Variants in KCNK2 observed in about 807,000 individuals in gnomAD.
KCNK2 encodes the protein potassium channel subfamily K member 2.
A neutral mutation model predicts 40.5 loss-of-function variants in KCNK2; 21 were observed. That is an observed-to-expected ratio of 0.52 (90% CI 0.37 to 0.75). KCNK2 has a LOEUF of 0.75. Among genes scored for constraint, KCNK2 ranks in the 30% least tolerant of loss-of-function variants. The pLI, the probability that KCNK2 is intolerant of heterozygous loss-of-function variation, is 0.00. For missense variants in KCNK2, 399 were observed against 531.6 expected (o/e 0.75, Z 2.45); for synonymous variants, 191 against 202.2 (o/e 0.94, Z 0.47).
At chr1:215,209,379 TAA>T (rs1296407745) in intron 6 of KCNK2, among the ~76,000 whole-genome samples, 5 of 46,412 alleles carry the variant, frequency 1.1e-4, no homozygotes, top group African/African-American at 2.1e-4. Flanking sequence ...ATATTATATA[TAA>T]AATATATATA....
At chr1:215,074,714 TA>T (rs1342109981) in intron 1 of KCNK2, among the ~76,000 whole-genome samples, 1 of 152,176 alleles carries the variant, frequency 6.6e-6, no homozygotes, top group Non-Finnish European at 1.5e-5. Context: ...TTGGCACACT[TA>T]AAAAATTATC....
At chr1:215,221,531 G>A (rs766279018) in intron 6 of KCNK2, among the ~76,000 whole-genome samples, 1 of 151,940 alleles carries the variant, frequency 6.6e-6, no homozygotes, top group Non-Finnish European at 1.5e-5. Flanking sequence ...AAATAAAAAT[G>A]TTATTTAGAA....
At chr1:215,130,961 C>T (rs1661645380) in intron 3 of KCNK2, among the ~76,000 whole-genome samples, 1 of 151,540 alleles carries the variant, frequency 6.6e-6, no homozygotes, top group Admixed American at 6.6e-5. Flanking sequence ...CCCAGGTTCA[C>T]GCCATTCTCC....
At chr1:215,146,522 A>G (rs1662423762) in intron 3 of KCNK2, among the ~76,000 whole-genome samples, 1 of 152,200 alleles carries the variant, frequency 6.6e-6, no homozygotes, top group Non-Finnish European at 1.5e-5. Flanking sequence ...GTTGACACAA[A>G]ATGTCAAAAC....
intron 3 of KCNK2, among the ~76,000 whole-genome samples, chr1:215,158,299 T>C (rs1663020259): frequency 6.6e-6 from 1 of 152,148 alleles, no homozygotes; most frequent in Admixed American, 6.5e-5. Flanking sequence ...TATCCTAACA[T>C]CTAGAATTCT....
In KCNK2 at chr1:215,094,318, G is replaced by C. The variant is rs547150076; in HGVS notation, c.357+7640G>C. On this transcript the variant is annotated intron_variant, in intron 2 of 6. Transcript: ENST00000444842. Reference sequence around the variant, plus strand: ...TCCCATAAATACTTTCTGTCCTTTCGGTTAATCTCTGGAAAAAAGCACTTT... The same window carrying C: ...TCCCATAAATACTTTCTGTCCTTTCCGTTAATCTCTGGAAAAAAGCACTTT... 2.1e-4 allele frequency among the ~76,000 whole-genome samples: 32 copies of C among 151,886 alleles called. No individual in the cohort carries two copies. In the East Asian group the frequency reaches 6.0e-3, roughly 28 times the overall value.
intron 1 of KCNK2, among the ~76,000 whole-genome samples, chr1:215,042,404 T>C (rs1657601787): frequency 6.6e-6 from 1 of 152,100 alleles, no homozygotes; most frequent in Non-Finnish European, 1.5e-5. Context: ...AAAAGAAACT[T>C]GGTAAGGTTC....
At chr1:215,211,075 G>C (rs1298378666) in intron 6 of KCNK2, among the ~76,000 whole-genome samples, 2 of 152,066 alleles carry the variant, frequency 1.3e-5, no homozygotes, top group African/African-American at 4.8e-5. Context: ...AACATGAGTC[G>C]TATCATGTTA....
intron 2 of KCNK2, among the ~76,000 whole-genome samples, chr1:215,115,404 T>C (rs1255293356): frequency 3.3e-5 from 5 of 152,102 alleles, no homozygotes; most frequent in Non-Finnish European, 7.4e-5. Flanking sequence ...CTTTTTCACA[T>C]TTTAGCCTTT....
rs1571891336 is a variant in KCNK2 at position 215,082,947 on chromosome 1, C to T, written c.-439C>T. On this transcript the variant is annotated 5_prime_UTR_variant, in exon 1 of 7. Coordinates refer to ENST00000444842, the MANE Select transcript of KCNK2 (RefSeq NM_001017425.3). ...ACGGCAGCTGGGGCTGCACCCACCGCCCCCGCGCCGCGCCGTGCCGGGGCC... is the reference window on the plus strand; with the variant it reads ...ACGGCAGCTGGGGCTGCACCCACCGTCCCCGCGCCGCGCCGTGCCGGGGCC... 1.3e-5 allele frequency among the ~76,000 whole-genome samples: 2 copies of T among 149,380 alleles called. No homozygotes were observed. Among genetic ancestry groups the T allele is most frequent in the Admixed American group, 6.7e-5 (1 of 15,010 alleles).
intron 6 of KCNK2, among the ~76,000 whole-genome samples, chr1:215,215,345 T>C (rs938342549): frequency 4.6e-5 from 7 of 152,106 alleles, no homozygotes; most frequent in African/African-American, 1.7e-4. Context: ...CTTGATGTAA[T>C]ACAGGCTTCA....
At chr1:215,083,600 G>C (rs1659284332) in intron 1 of KCNK2, 169 bp downstream of exon 1, 1 of 624,466 alleles carries the variant, frequency 1.6e-6, no homozygotes, top group Non-Finnish European at 2.9e-6. Flanking sequence ...ACCCTTGCCA[G>C]ATCCTCTCCA....
intron 1 of KCNK2, among the ~76,000 whole-genome samples, chr1:215,047,746 C>G (rs770087546): frequency 4.1e-4 from 63 of 152,124 alleles, no homozygotes; most frequent in Non-Finnish European, 6.5e-4. Flanking sequence ...CACCTCAGCT[C>G]TTATCTTGCA....
At chr1:215,205,494 C>T (rs1406053919) in intron 6 of KCNK2, among the ~76,000 whole-genome samples, 13 of 152,160 alleles carry the variant, frequency 8.5e-5, no homozygotes, top group East Asian at 5.8e-4. Flanking sequence ...CCACCCGCCT[C>T]GGCCTCCCAA....
At chr1:215,131,733 A>G (rs1371229459) in intron 3 of KCNK2, among the ~76,000 whole-genome samples, 1 of 152,008 alleles carries the variant, frequency 6.6e-6, no homozygotes, top group Non-Finnish European at 1.5e-5. Flanking sequence ...ATTTCTCTTC[A>G]GTCTTAATGA....
chr1:215,116,145 A>G (rs1004162450), intron 2 of KCNK2, among the ~76,000 whole-genome samples: 2 of 152,072 alleles, frequency 1.3e-5, no homozygotes, highest in Non-Finnish European at 2.9e-5. Context: ...TATGTAAACT[A>G]TGTTAAATGT....
At chr1:215,188,583 T>C (rs1664544638) in intron 5 of KCNK2, among the ~76,000 whole-genome samples, 1 of 152,116 alleles carries the variant, frequency 6.6e-6, no homozygotes, top group South Asian at 2.1e-4. Context: ...TAAAAAACCA[T>C]GGCATGTTTC....
chr1:215,136,067 C>G (rs149481977), intron 3 of KCNK2, among the ~76,000 whole-genome samples: 5 of 152,062 alleles, frequency 3.3e-5, no homozygotes, highest in African/African-American at 7.2e-5. Context: ...TTTAGATAAT[C>G]CAAAATGTGA....
chr1:215,191,322 C>T (rs775802945), intron 5 of KCNK2, among the ~76,000 whole-genome samples: 2 of 151,514 alleles, frequency 1.3e-5, no homozygotes, highest in Non-Finnish European at 2.9e-5. Flanking sequence ...GTGTCTGCCA[C>T]GGCCTCATGG....
Sources: allele counts gnomAD v4.1 joint callset (sites outside exome capture counted in the v4.1 genomes callset), GRCh38; gene constraint gnomAD v4.1.1; transcripts MANE v1.5; gene names NCBI Gene and HGNC (gene_info 2026-07-23, HGNC 2026-07-21).